Variants in LINGO2 observed in about 807,000 individuals in gnomAD.
The protein encoded by LINGO2 is leucine-rich repeat and immunoglobulin-like domain-containing nogo receptor-interacting protein 2.
LINGO2 carries 14 observed loss-of-function variants against 30.6 expected under a neutral mutation model. That is an observed-to-expected ratio of 0.46 (90% CI 0.30 to 0.72). The LOEUF is 0.72. LINGO2 is among the 30% of genes least tolerant of loss of function. LINGO2 has a pLI of 0.07. For missense variants in LINGO2, 729 were observed against 751.7 expected (o/e 0.97, Z 0.35); for synonymous variants, 317 against 288.5 (o/e 1.10, Z -1.00).
intron 1 of LINGO2, among the ~76,000 whole-genome samples, chr9:28,542,756 C>G (rs919679844): frequency 6.6e-6 from 1 of 151,868 alleles, no homozygotes; most frequent in African/African-American, 2.4e-5. Flanking sequence ...TTCCATGGAT[C>G]GTGATTCATG....
intron 2 of LINGO2, among the ~76,000 whole-genome samples, chr9:28,468,248 G>T (rs1825388197): frequency 6.6e-6 from 1 of 152,260 alleles, no homozygotes; most frequent in South Asian, 2.1e-4. Context: ...GTGCTTCACA[G>T]GTGGAAGATG....
At chr9:28,502,133 C>CACAG (rs1819914471) in intron 1 of LINGO2, among the ~76,000 whole-genome samples, 1 of 139,460 alleles carries the variant, frequency 7.2e-6, no homozygotes, top group African/African-American at 2.9e-5. Context: ...GAAACACAGA[C>CACAG]ACACACACAC....
Position 28,026,026 on chromosome 9 carries a change from G to C in LINGO2, c.-86-13621C>G, listed in dbSNP as rs569969599. Among the ~76,000 whole-genome samples, 4 of 152,262 alleles carry C rather than the reference G, an allele frequency of 2.6e-5. No homozygotes were observed. In the South Asian group the frequency reaches 8.3e-4, roughly 32 times the overall value. On this transcript the variant is annotated intron_variant, in intron 4 of 5. Coordinates refer to ENST00000379992, the Ensembl canonical transcript of LINGO2. ...GTCTCCAATGCTTCATCCTCATCCA[G>C]TCTCCTGTTGCCTTTACTTACTGTG...
chr9:27,945,205 A>G (rs908636369), downstream of LINGO2, among the ~76,000 whole-genome samples: 15 of 152,138 alleles, frequency 9.9e-5, no homozygotes, highest in African/African-American at 3.1e-4. Context: ...ACTTTACTCA[A>G]TTTTATTTCT....
intron 2 of LINGO2, among the ~76,000 whole-genome samples, chr9:28,421,727 G>C (rs918722348): frequency 6.6e-6 from 1 of 151,892 alleles, no homozygotes; most frequent in African/African-American, 2.4e-5. Flanking sequence ...ATACATAAGC[G>C]TACCACAGCT....
At chr9:28,028,992 C>G (rs753525186) in intron 4 of LINGO2, among the ~76,000 whole-genome samples, 5 of 152,098 alleles carry the variant, frequency 3.3e-5, no homozygotes, top group Non-Finnish European at 7.4e-5. Flanking sequence ...TTATTGGGTG[C>G]TTCTTAGGGA....
At chr9:28,342,608 GAT>G (rs1213445431) in intron 3 of LINGO2, among the ~76,000 whole-genome samples, 2 of 146,908 alleles carry the variant, frequency 1.4e-5, no homozygotes, top group Admixed American at 6.7e-5. Context: ...TCAATTCTAT[GAT>G]ATCTTAGAGG....
the LINGO2 span, among the ~76,000 whole-genome samples, chr9:29,042,858 A>G: frequency 6.6e-6 from 1 of 151,926 alleles, no homozygotes; most frequent in African/African-American, 2.4e-5. Context: ...TTTTATTACT[A>G]TAACCAGTTA....
intron 4 of LINGO2, among the ~76,000 whole-genome samples, chr9:28,099,630 T>A (rs1826351296): frequency 6.6e-6 from 1 of 152,204 alleles, no homozygotes; most frequent in East Asian, 1.9e-4. Context: ...CTCAGAATTA[T>A]GTTTGTTCTA....
At position 28,669,660 on chromosome 9, in the gene LINGO2, C is replaced by T. The variant is rs192036190; in HGVS notation, c.-365+540G>A. Among the ~76,000 whole-genome samples the T allele has an allele frequency of 3.3e-4, 50 of 152,144 alleles. No individual in the cohort carries two copies. The East Asian group carries it at 9.1e-3, about 28-fold the overall frequency. On this transcript the variant is annotated intron_variant, in intron 1 of 5. Coordinates refer to ENST00000379992, the Ensembl canonical transcript of LINGO2. ...AAGACATTCCAAGAAAAGGAAGTCA[C>T]TCCCATCACACATACACAAGCCACC...
chr9:28,704,796 G>A, the LINGO2 span, among the ~76,000 whole-genome samples: 1 of 151,984 alleles, frequency 6.6e-6, no homozygotes, highest in Non-Finnish European at 1.5e-5. Flanking sequence ...TCACCTAACT[G>A]TTCTTGCATA....
chr9:28,908,456 A>G, the LINGO2 span, among the ~76,000 whole-genome samples: 88 of 152,010 alleles, frequency 5.8e-4, no homozygotes, highest in African/African-American at 2.0e-3. Flanking sequence ...AAAACAAACA[A>G]CAATACCATG....
At chr9:28,749,434 C>A in the LINGO2 span, among the ~76,000 whole-genome samples, 33 of 151,916 alleles carry the variant, frequency 2.2e-4, 3 homozygotes. Flanking sequence ...ATTTAAGAAA[C>A]CTCAATTTAT....
At chr9:29,128,254 A>G in the LINGO2 span, among the ~76,000 whole-genome samples, 2 of 152,064 alleles carry the variant, frequency 1.3e-5, no homozygotes, top group South Asian at 4.1e-4. Context: ...AGACCTTAAC[A>G]TCTCCAAAGG....
rs1218226169 is a variant in LINGO2, at chr9:28,555,886, A to C, written c.-364-79861T>G. Among the ~76,000 whole-genome samples the C allele has an allele frequency of 5.3e-4, 81 of 152,226 alleles. 1 individual carries two copies. The highest frequency in any genetic ancestry group is 1.0e-4 in the Non-Finnish European group (7 of 68,024). On this transcript the variant is annotated intron_variant, in intron 1 of 5. Transcript: ENST00000379992. The stretch of plus-strand genomic sequence containing the variant: ...GTAATCCAGCATATAAACAGAACCA[A>C]AGACAAAAACCACGATTATCTCAAT...
chr9:29,198,407 G>A, the LINGO2 span, among the ~76,000 whole-genome samples: 1 of 152,188 alleles, frequency 6.6e-6, no homozygotes, highest in African/African-American at 2.4e-5. Context: ...AGCAGGGGTG[G>A]GAAATTGTTG....
At chr9:28,334,067 C>T (rs1440421686) in intron 3 of LINGO2, among the ~76,000 whole-genome samples, 1 of 152,126 alleles carries the variant, frequency 6.6e-6, no homozygotes, top group East Asian at 1.9e-4. Context: ...CTGCAGTTTG[C>T]TTCTTTGTAA....
At chr9:28,668,464 C>T (rs967253463) in intron 1 of LINGO2, among the ~76,000 whole-genome samples, 1 of 151,578 alleles carries the variant, frequency 6.6e-6, no homozygotes, top group African/African-American at 2.4e-5. Flanking sequence ...TTTTTTAAAT[C>T]CCATAAAAGT....
chr9:29,049,783 A>G, the LINGO2 span, among the ~76,000 whole-genome samples: 2 of 152,124 alleles, frequency 1.3e-5, no homozygotes, highest in African/African-American at 4.8e-5. Flanking sequence ...TAGAAGGATG[A>G]TTACCAGAGT....
Sources: gnomAD v4.1 joint callset for allele counts (sites outside exome capture counted in the v4.1 genomes callset) on GRCh38, gnomAD v4.1.1 for gene constraint, MANE v1.5 for transcripts, NCBI Gene and HGNC (gene_info 2026-07-23, HGNC 2026-07-21) for gene names.